The following NVL variants were observed in gnomAD, a reference collection of about 807,000 sequenced individuals.
NVL encodes the protein nuclear VCP like, also known as nuclear valosin-containing protein-like.
A neutral mutation model predicts 110.2 loss-of-function variants in NVL; 84 were observed. The ratio of observed to expected loss-of-function variants is 0.76; its 90% confidence interval spans 0.64 to 0.91. The LOEUF is 0.91. Ranked by LOEUF, NVL falls within the 40% of genes least tolerant of loss-of-function variation. The pLI is 0.00. For missense variants in NVL, 882 were observed against 1,035.9 expected, an observed-to-expected ratio of 0.85 and a Z score of 2.04; for synonymous variants, 354 against 361.1, an observed-to-expected ratio of 0.98 and a Z score of 0.22.
chr1:224,311,818 T>G lies in NVL; in HGVS notation c.324A>C (p.Glu108Asp), dbSNP rs1319760507. The G allele has an allele frequency of 1.2e-6, 2 of 1,613,612 alleles. No homozygotes were observed. Among genetic ancestry groups the G allele is most frequent in the African/African-American group, 2.7e-5 (2 of 74,926 alleles). The change falls in exon 5 of 23, where the codon GAA becomes GAC. Residue 108 changes from glutamate to aspartate, a missense_variant. Physicochemically the swap from Glu to Asp is conservative, Grantham distance 45. Around this residue, in one of 4 missense-constraint regions of NVL, gnomAD observed 274 missense variants for 268.4 expected, o/e 1.02. Coordinates refer to ENST00000281701, the MANE Select transcript of NVL (RefSeq NM_002533.4). Reference protein sequence around the residue: ...ESYSDDDSSMEDYPDPQSANH... With the variant: ...ESYSDDDSSMDDYPDPQSANH... ...GGCTTACCTGTGGATCTGGGTAGTC[T>G]TCCATACTTGAATCATCATCAGAAT...
intron 9 of NVL, chr1:224,302,948 C>A: frequency 3.2e-6 from 1 of 309,120 alleles, no homozygotes; most frequent in Non-Finnish European, 6.4e-6. Flanking sequence ...ACTCGGGAGG[C>A]TGAGGTGGGA....
At chr1:224,308,924 G>A (rs1391928271) in intron 5 of NVL, among the ~76,000 whole-genome samples, 1 of 150,300 alleles carries the variant, frequency 6.7e-6, no homozygotes, top group Non-Finnish European at 1.5e-5. Flanking sequence ...AGCCAGGCGT[G>A]ATGGCGGACG....
intron 18 of NVL, among the ~76,000 whole-genome samples, chr1:224,265,302 G>A (rs966232613): frequency 3.3e-5 from 5 of 151,966 alleles, no homozygotes; most frequent in East Asian, 2.0e-4. Context: ...GTCAGGAGCC[G>A]AGACCAGGCT....
chr1:224,244,968 G>A (rs895139511), intron 19 of NVL, among the ~76,000 whole-genome samples: 2 of 152,194 alleles, frequency 1.3e-5, no homozygotes, highest in African/African-American at 2.4e-5. Flanking sequence ...TTACAGGTGT[G>A]AGCCACTGTA....
chr1:224,271,449 C>T (rs1665092932), intron 17 of NVL, among the ~76,000 whole-genome samples: 1 of 152,204 alleles, frequency 6.6e-6, no homozygotes. Context: ...GCTACAATCA[C>T]ACCACTGCAC....
At chr1:224,324,909 C>G (rs61546171) in intron 2 of NVL, among the ~76,000 whole-genome samples, 2,512 of 152,212 alleles carry the variant, frequency 0.017, 60 homozygotes, top group African/African-American at 0.056. Flanking sequence ...TGTTGATGTC[C>G]TAACCCCCAG....
chr1:224,323,001 AC>A (rs1192144505), intron 2 of NVL, among the ~76,000 whole-genome samples: 1 of 152,088 alleles, frequency 6.6e-6, no homozygotes, highest in African/African-American at 2.4e-5. Context: ...GCTCAGAAAG[AC>A]AAGAGAAGAG....
chr1:224,235,329 G>A (rs1044884696), intron 20 of NVL, among the ~76,000 whole-genome samples: 4 of 151,900 alleles, frequency 2.6e-5, no homozygotes, highest in African/African-American at 7.3e-5. Context: ...TACCATGCCC[G>A]GCTAATTTTT....
At chr1:224,319,176 A>AG (rs1670397209) in intron 2 of NVL, among the ~76,000 whole-genome samples, 1 of 144,516 alleles carries the variant, frequency 6.9e-6, no homozygotes, top group East Asian at 2.0e-4. Context: ...AAAAAAAAAA[A>AG]GGATATCTGC....
At chr1:224,255,221 G>A (rs913423044) in intron 18 of NVL, among the ~76,000 whole-genome samples, 19 of 104,278 alleles carry the variant, frequency 1.8e-4, no homozygotes, top group Middle Eastern at 0.013. Context: ...ACAGGGTCTC[G>A]CTCTGCCGTC....
At chr1:224,299,744 C>G (rs141619008) in intron 10 of NVL, among the ~76,000 whole-genome samples, 3 of 152,186 alleles carry the variant, frequency 2.0e-5, no homozygotes, top group Non-Finnish European at 4.4e-5. Flanking sequence ...CCTTTTTTCT[C>G]TTTATCCTCC....
intron 15 of NVL, among the ~76,000 whole-genome samples, chr1:224,282,695 C>T (rs1471078514): frequency 6.6e-6 from 1 of 152,182 alleles, no homozygotes; most frequent in African/African-American, 2.4e-5. Context: ...ACTTACTCCT[C>T]AGCAACACCA....
intron 4 of NVL, 52 bp from the exon 5 acceptor site, chr1:224,311,909 A>C (rs1346094790): frequency 7.4e-7 from 1 of 1,357,298 alleles, no homozygotes; most frequent in Non-Finnish European, 1.1e-6. Context: ...CCATATCCTA[A>C]AAAAATGACT....
intron 5 of NVL, among the ~76,000 whole-genome samples, chr1:224,310,656 C>G (rs1669421764): frequency 6.6e-6 from 1 of 152,190 alleles, no homozygotes; most frequent in Non-Finnish European, 1.5e-5. Flanking sequence ...TCCGAAGTCT[C>G]TTATTCTATT....
At position 224,289,695 on chromosome 1, in the gene NVL, T is replaced by C. The variant is rs779589900; in HGVS notation, c.1364A>G (p.Gln455Arg). 6 of 1,614,076 alleles carry C rather than the reference T, an allele frequency of 3.7e-6. No homozygotes were observed. The highest frequency in any genetic ancestry group is 1.7e-5 in the Admixed American group (1 of 59,996). The change falls in exon 13 of 23, where the codon CAA becomes CGA. Residue 455 changes from glutamine to arginine, a missense_variant. Gln to Arg is a conservative substitution (Grantham distance 43). Coordinates refer to ENST00000281701, the MANE Select transcript of NVL (RefSeq NM_002533.4). ...TGCTAAGTGACAGAAATCAAAAGCT[T>C]GAGGAAGCCTCAGTTTTCTGCACAA... Reference protein sequence around the residue: ...QTLCRKLRLPQAFDFCHLAHL... With the variant: ...QTLCRKLRLPRAFDFCHLAHL...
chr1:224,314,898 C>A (rs1215573885), intron 4 of NVL, among the ~76,000 whole-genome samples: 1 of 152,020 alleles, frequency 6.6e-6, no homozygotes, highest in Non-Finnish European at 1.5e-5. Context: ...GTAATCCCAG[C>A]TACTCAGGAG....
chr1:224,266,643 A>G (rs1378573562), intron 18 of NVL, among the ~76,000 whole-genome samples: 1 of 152,234 alleles, frequency 6.6e-6, no homozygotes, highest in Non-Finnish European at 1.5e-5. Flanking sequence ...GACTAAGACA[A>G]GCATCTTCTT....
intron 2 of NVL, 36 bp downstream of exon 2, chr1:224,326,355 T>C (rs1422437952): frequency 1.1e-5 from 16 of 1,498,730 alleles, no homozygotes; most frequent in Non-Finnish European, 1.5e-5. Flanking sequence ...AAAGGAGACA[T>C]AAAAATCCAA....
At chr1:224,322,281 G>C (rs1670726761) in intron 2 of NVL, among the ~76,000 whole-genome samples, 3 of 131,324 alleles carry the variant, frequency 2.3e-5, no homozygotes, top group Non-Finnish European at 3.2e-5. Flanking sequence ...ACAGAATCTT[G>C]CTATGTTGCC....
Sources: gnomAD v4.1 joint callset for allele counts (sites outside exome capture counted in the v4.1 genomes callset) on GRCh38, gnomAD v4.1.1 for gene constraint, gnomAD v4.1.1 regional missense constraint, MANE v1.5 for transcripts, NCBI Gene and HGNC (gene_info 2026-07-23, HGNC 2026-07-21) for gene names.